IPCEF1: variants seen among roughly 807,000 people sequenced by gnomAD.
IPCEF1 encodes the protein interactor protein for cytohesin exchange factors 1.
In IPCEF1, 31 loss-of-function variants were observed where a neutral mutation model predicts 50.9. The ratio of observed to expected loss-of-function variants is 0.61; its 90% CI spans 0.46 to 0.82. The LOEUF (loss-of-function observed/expected upper bound fraction) is 0.82. Among genes scored for constraint, IPCEF1 ranks in the 40% least tolerant of loss-of-function variants. The pLI, the probability that IPCEF1 is intolerant of heterozygous loss-of-function variation, is 0.00. For missense variants in IPCEF1, 458 were observed against 514.0 expected (o/e 0.89, Z 1.05); for synonymous variants, 181 against 192.0 (o/e 0.94, Z 0.47).
At chr6:154,163,399 T>C (rs1478539872) in intron 11 of IPCEF1, among the ~76,000 whole-genome samples, 1 of 152,256 alleles carries the variant, frequency 6.6e-6, no homozygotes, top group Non-Finnish European at 1.5e-5. Flanking sequence ...ACACAAATTA[T>C]GTCTTTCAAA....
chr6:154,265,522 G>A (rs950525862), intron 3 of IPCEF1, among the ~76,000 whole-genome samples: 1 of 151,858 alleles, frequency 6.6e-6, no homozygotes, highest in Non-Finnish European at 1.5e-5. Flanking sequence ...CTTGTGATCT[G>A]CCCTCCTCGG....
At chr6:154,270,170 C>A (rs1012110449) in intron 2 of IPCEF1, among the ~76,000 whole-genome samples, 8 of 152,292 alleles carry the variant, frequency 5.3e-5, no homozygotes, top group African/African-American at 1.9e-4. Context: ...ACCCTAACGA[C>A]AGGGTAACAA....
chr6:154,296,851 A>G (rs1782676711), intron 1 of IPCEF1, among the ~76,000 whole-genome samples: 1 of 151,886 alleles, frequency 6.6e-6, no homozygotes, highest in Admixed American at 6.6e-5. Flanking sequence ...AAAGAAAAAA[A>G]AAGAGAATAT....
intron 9 of IPCEF1, among the ~76,000 whole-genome samples, chr6:154,206,843 G>C (rs114885141): frequency 6.6e-6 from 1 of 152,242 alleles, no homozygotes. Context: ...CGCTTTTGGG[G>C]AACAGCAGGC....
intron 5 of IPCEF1, among the ~76,000 whole-genome samples, chr6:154,229,346 G>GTTTTTTT (rs34462600): frequency 8.9e-6 from 1 of 112,680 alleles, no homozygotes; most frequent in Non-Finnish European, 1.8e-5. Flanking sequence ...AAGTTTGCCG[G>GTTTTTTT]TTTTTTTTTT....
At chr6:154,311,089 C>T (rs1783067277) in intron 1 of IPCEF1, among the ~76,000 whole-genome samples, 1 of 152,100 alleles carries the variant, frequency 6.6e-6, no homozygotes. Context: ...ACAATGTATA[C>T]ATAAATCAAA....
chr6:154,317,211 G>T (rs556414770), intron 1 of IPCEF1, among the ~76,000 whole-genome samples: 4 of 152,000 alleles, frequency 2.6e-5, no homozygotes, highest in Non-Finnish European at 4.4e-5. Flanking sequence ...AATACATAAA[G>T]AATTCCTCCA....
intron 3 of IPCEF1, among the ~76,000 whole-genome samples, chr6:154,261,181 T>G (rs6919141): frequency 6.6e-6 from 1 of 151,938 alleles, no homozygotes; most frequent in Non-Finnish European, 1.5e-5. Context: ...ACTACAGACA[T>G]GAACCAATAC....
At chr6:154,226,395 A>T (rs1375671954) in intron 5 of IPCEF1, among the ~76,000 whole-genome samples, 1 of 152,142 alleles carries the variant, frequency 6.6e-6, no homozygotes, top group African/African-American at 2.4e-5. Context: ...TAAAATGCCC[A>T]CTTCTTTCTC....
At chr6:154,346,866 C>T (rs952651905) in intron 1 of IPCEF1, among the ~76,000 whole-genome samples, 7 of 152,180 alleles carry the variant, frequency 4.6e-5, no homozygotes, top group Non-Finnish European at 8.8e-5. Context: ...TACAGTTCAA[C>T]GTAAGATTTG....
intron 1 of IPCEF1, among the ~76,000 whole-genome samples, chr6:154,303,768 A>T (rs973623504): frequency 6.6e-6 from 1 of 152,160 alleles, no homozygotes; most frequent in Non-Finnish European, 1.5e-5. Context: ...CAAAAAAATT[A>T]AAAAATTAAC....
At chr6:154,343,178 C>T (rs118035310) in intron 1 of IPCEF1, among the ~76,000 whole-genome samples, 3,303 of 152,138 alleles carry the variant, frequency 0.022, 65 homozygotes, top group Non-Finnish European at 0.033. Flanking sequence ...TTCCCAGAAA[C>T]GCCCTAAAGC....
chr6:154,223,375 A>G, intron 5 of IPCEF1, 132 bp from the exon 6 acceptor site: 1 of 712,456 alleles, frequency 1.4e-6, no homozygotes, highest in Middle Eastern at 2.9e-4. Flanking sequence ...ACCACCCTGA[A>G]TCACCATGGA....
At chr6:154,183,657 T>C (rs991712925) in intron 10 of IPCEF1, among the ~76,000 whole-genome samples, 2 of 152,090 alleles carry the variant, frequency 1.3e-5, no homozygotes, top group African/African-American at 2.4e-5. Flanking sequence ...CCAGGACTTT[T>C]TGAGGCCGAG....
chr6:154,220,753 C>G (rs994503586), intron 7 of IPCEF1, among the ~76,000 whole-genome samples: 21 of 152,150 alleles, frequency 1.4e-4, no homozygotes, highest in Non-Finnish European at 5.9e-5. Context: ...TTTCACAGAC[C>G]ACCCTGGAAA....
intron 3 of IPCEF1, among the ~76,000 whole-genome samples, chr6:154,251,453 G>A (rs1358502333): frequency 1.3e-5 from 2 of 152,170 alleles, no homozygotes; most frequent in Non-Finnish European, 2.9e-5. Context: ...ATGCTCGCAT[G>A]TGCCAGGCGC....
Position 154,160,030 on chromosome 6 carries a change from T to C in IPCEF1, c.1115A>G (p.His372Arg), listed in dbSNP as rs1798872966. The C allele has an allele frequency of 1.9e-6, 3 of 1,611,264 alleles. No homozygotes were observed. Among genetic ancestry groups the C allele is most frequent in the East Asian group, 2.2e-5 (1 of 44,888 alleles). The change falls in exon 12 of 12, where the codon CAT becomes CGT. Residue 372 changes from histidine (H) to arginine (R), a missense_variant. Coordinates refer to ENST00000367220, the MANE Select transcript of IPCEF1 (RefSeq NM_001130700.2). Reference sequence around the variant, plus strand: ...CAACTGGTTAATCATGGCCAGATCATGTTCTTTACACTGTGTGAGTAGAAA... The same window carrying C: ...CAACTGGTTAATCATGGCCAGATCACGTTCTTTACACTGTGTGAGTAGAAA... ...TLNSTLKCKEHDLAMINQLLD... is the reference protein window; with the variant it reads ...TLNSTLKCKERDLAMINQLLD...
At chr6:154,219,407 T>G (rs994385754) in intron 7 of IPCEF1, among the ~76,000 whole-genome samples, 1 of 152,032 alleles carries the variant, frequency 6.6e-6, no homozygotes, top group Non-Finnish European at 1.5e-5. Flanking sequence ...CAAGGCACTT[T>G]TAAAGAAAAG....
At chr6:154,243,374 G>C (rs1780754916) in intron 5 of IPCEF1, among the ~76,000 whole-genome samples, 1 of 152,202 alleles carries the variant, frequency 6.6e-6, no homozygotes, top group African/African-American at 2.4e-5. Context: ...ATACTCTGTG[G>C]CGTGAAAAAT....
Sources: allele counts gnomAD v4.1 joint callset (sites outside exome capture counted in the v4.1 genomes callset), GRCh38; gene constraint gnomAD v4.1.1; transcripts MANE v1.5; gene names NCBI Gene and HGNC (gene_info 2026-07-23, HGNC 2026-07-21).